The following LRIG1 variants were observed in gnomAD, a reference collection of about 807,000 sequenced individuals.
LRIG1 encodes leucine rich repeats and immunoglobulin like domains 1.
Under a neutral mutation model 99.2 loss-of-function variants are expected in LRIG1, and 48 were observed. That is an observed-to-expected ratio of 0.48 (90% CI 0.38 to 0.62). LRIG1 has a LOEUF of 0.62. Among genes scored for constraint, LRIG1 ranks in the 20% least tolerant of loss-of-function variants. The probability of loss-of-function intolerance (pLI) is 0.00; values close to 1 mark genes in which losing one functional copy is unlikely to be tolerated. For synonymous variants in LRIG1, 772 were observed against 596.1 expected (o/e 1.29, Z -4.30); for missense variants, 1,646 against 1,434.4 (o/e 1.15, Z -2.38).
At chr3:66,459,373 G>A (rs1243273177) in intron 2 of LRIG1, among the ~76,000 whole-genome samples, 1 of 152,214 alleles carries the variant, frequency 6.6e-6, no homozygotes, top group Admixed American at 6.5e-5. Flanking sequence ...CTGATAGATA[G>A]GGGTCAGTGA....
chr3:66,489,844 G>A (rs749797486), intron 1 of LRIG1, among the ~76,000 whole-genome samples: 1 of 152,074 alleles, frequency 6.6e-6, no homozygotes, highest in African/African-American at 2.4e-5. Context: ...TCACTTTCAT[G>A]ACTTTAAGAA....
intron 9 of LRIG1, among the ~76,000 whole-genome samples, chr3:66,400,915 AC>A (rs1426613976): frequency 6.6e-6 from 1 of 152,014 alleles, no homozygotes; most frequent in Non-Finnish European, 1.5e-5. Context: ...GGGAGGCACC[AC>A]CAGTCCGTGT....
intron 2 of LRIG1, among the ~76,000 whole-genome samples, chr3:66,457,023 C>T (rs1373334393): frequency 6.6e-6 from 1 of 152,180 alleles, no homozygotes; most frequent in Non-Finnish European, 1.5e-5. Context: ...TCCTCATGTC[C>T]TCCAGGGGCC....
intron 3 of LRIG1, among the ~76,000 whole-genome samples, chr3:66,423,572 A>G (rs571904493): frequency 2.0e-5 from 3 of 152,354 alleles, no homozygotes; most frequent in Admixed American, 6.5e-5. Flanking sequence ...ACTCCATCTC[A>G]AAAGAAACAA....
intron 3 of LRIG1, among the ~76,000 whole-genome samples, chr3:66,427,558 G>A (rs932094640): frequency 1.3e-5 from 2 of 152,306 alleles, no homozygotes; most frequent in Admixed American, 6.5e-5. Context: ...CCAACACTTT[G>A]GGAGCCAACA....
At chr3:66,491,678 TA>T (rs202138801) in intron 1 of LRIG1, among the ~76,000 whole-genome samples, 1 of 151,912 alleles carries the variant, frequency 6.6e-6, no homozygotes, top group Non-Finnish European at 1.5e-5. Flanking sequence ...GCTGTTAACT[TA>T]AAAAAAACCT....
At chr3:66,398,046 G>A in intron 11 of LRIG1, 66 bp downstream of exon 11, 3 of 1,289,604 alleles carry the variant, frequency 2.3e-6, no homozygotes, top group Non-Finnish European at 3.3e-6. Flanking sequence ...TAATGCAATT[G>A]CAGAAGTTTC....
chr3:66,406,687 A>T (rs1702280347), intron 8 of LRIG1, among the ~76,000 whole-genome samples: 2 of 152,170 alleles, frequency 1.3e-5, no homozygotes, highest in South Asian at 4.1e-4. Context: ...CAACCATGGA[A>T]AAGTTTTATA....
intron 3 of LRIG1, among the ~76,000 whole-genome samples, chr3:66,426,354 T>C (rs559192276): frequency 7.9e-4 from 121 of 152,202 alleles, no homozygotes; most frequent in Non-Finnish European, 1.3e-3. Flanking sequence ...TGGGCCAGGA[T>C]TGGGACCACT....
At chr3:66,393,512 G>A (rs1161136130) in intron 12 of LRIG1, among the ~76,000 whole-genome samples, 1 of 152,208 alleles carries the variant, frequency 6.6e-6, no homozygotes, top group Non-Finnish European at 1.5e-5. Context: ...CAAGAGCTAC[G>A]CTCCAGGAAT....
intron 3 of LRIG1, among the ~76,000 whole-genome samples, chr3:66,425,259 GGCTAAA>G (rs1327138144): frequency 6.6e-6 from 1 of 152,206 alleles, no homozygotes; most frequent in Non-Finnish European, 1.5e-5. Context: ...TCCAAAGCTT[GGCTAAA>G]TCTGAACATT....
intron 9 of LRIG1, among the ~76,000 whole-genome samples, chr3:66,403,525 A>C (rs1702141587): frequency 6.6e-6 from 1 of 152,116 alleles, no homozygotes; most frequent in Non-Finnish European, 1.5e-5. Context: ...TATGTGAGTG[A>C]GGAAAGCAGG....
At chr3:66,402,172 C>A (rs1702083286) in intron 9 of LRIG1, among the ~76,000 whole-genome samples, 1 of 152,182 alleles carries the variant, frequency 6.6e-6, no homozygotes, top group Non-Finnish European at 1.5e-5. Context: ...CAGGAAGTCG[C>A]ATACCCAGGT....
chr3:66,386,686 G>T (rs752261925), intron 12 of LRIG1: 1 of 171,868 alleles, frequency 5.8e-6, no homozygotes, highest in East Asian at 1.6e-4. Context: ...ACTCCAAAAG[G>T]AGGGGGTGTA....
chr3:66,431,916 C>G (rs148421046), intron 3 of LRIG1, among the ~76,000 whole-genome samples: 1 of 151,990 alleles, frequency 6.6e-6, no homozygotes, highest in Admixed American at 6.6e-5. Flanking sequence ...AGAAGATACA[C>G]GTAGAAAAAA....
rs375437951 is a variant in LRIG1, at chr3:66,447,404, A to G, written c.365+4155T>C. ...TATCTCATTAAAAAAAATAGTTTTCAAAAACATTTTTTCAAGATTAGAAGT... is the reference window on the plus strand; with the variant it reads ...TATCTCATTAAAAAAAATAGTTTTCGAAAACATTTTTTCAAGATTAGAAGT... On this transcript the variant is annotated intron_variant, in intron 3 of 18. Transcript: ENST00000273261. Among the ~76,000 whole-genome samples, 12 of 152,314 alleles carry G rather than the reference A, an allele frequency of 7.9e-5. No homozygotes were observed. In the East Asian group the frequency reaches 1.5e-3, roughly 20 times the overall value.
At chr3:66,465,801 A>T (rs1195662431) in intron 1 of LRIG1, among the ~76,000 whole-genome samples, 1 of 152,170 alleles carries the variant, frequency 6.6e-6, no homozygotes, top group East Asian at 1.9e-4. Flanking sequence ...CATCTCCAGA[A>T]CTTTAGAAGT....
chr3:66,418,830 C>T (rs1362124758), intron 3 of LRIG1, among the ~76,000 whole-genome samples: 4 of 152,092 alleles, frequency 2.6e-5, no homozygotes, highest in African/African-American at 9.7e-5. Context: ...ATGCGTCTCC[C>T]AGGCCCTGAA....
chr3:66,471,156 G>A (rs765384598), intron 1 of LRIG1, among the ~76,000 whole-genome samples: 8 of 152,172 alleles, frequency 5.3e-5, no homozygotes, highest in Non-Finnish European at 1.2e-4. Context: ...CACCCCAGCA[G>A]GCAAGAGGTG....
Sources: allele counts gnomAD v4.1 joint callset (sites outside exome capture counted in the v4.1 genomes callset), GRCh38; gene constraint gnomAD v4.1.1; transcripts MANE v1.5; gene names NCBI Gene and HGNC (gene_info 2026-07-23, HGNC 2026-07-21).